The following MGMT variants were observed in gnomAD, a reference collection of about 807,000 sequenced individuals.
MGMT encodes methylated-DNA--protein-cysteine methyltransferase.
Under a neutral mutation model 15.9 loss-of-function variants are expected in MGMT, and 14 were observed. The observed-to-expected ratio is 0.88, with a 90% CI of 0.58 to 1.37. MGMT has a LOEUF of 1.37. MGMT is among the 40% of genes most tolerant of loss of function. The pLI, the probability that MGMT is intolerant of heterozygous loss-of-function variation, is 0.00. For missense variants in MGMT, 282 were observed against 268.1 expected (o/e 1.05, Z -0.36); for synonymous variants, 130 against 118.2 (o/e 1.10, Z -0.65).
chr10:129,591,103 T>TG (rs1286542196), intron 2 of MGMT, among the ~76,000 whole-genome samples: 7 of 152,236 alleles, frequency 4.6e-5, no homozygotes, highest in East Asian at 1.9e-4. Flanking sequence ...GATGGCTTCC[T>TG]GGGGGCGCAG....
intron 1 of MGMT, among the ~76,000 whole-genome samples, chr10:129,506,095 G>A (rs559517542): frequency 6.6e-6 from 1 of 151,554 alleles, no homozygotes; most frequent in South Asian, 2.1e-4. Context: ...CTTTGTCATG[G>A]TAGACATTTG....
rs1279075162 is a variant in MGMT at position 129,467,255 on chromosome 10, C to T, written c.-54C>T. The T allele has an allele frequency of 9.7e-6, 15 of 1,544,654 alleles. No individual in the cohort carries two copies. The highest frequency in any genetic ancestry group is 1.1e-5 in the Non-Finnish European group (13 of 1,145,768). On this transcript the variant is annotated 5_prime_UTR_variant, in exon 1 of 5. Transcript: ENST00000651593. ...CGCGCCCCTAGAACGCTTTGCGTCC[C>T]GACGCCCGCAGGTCCTCGCGGTGCG...
intron 2 of MGMT, among the ~76,000 whole-genome samples, chr10:129,591,847 C>T (rs1846690373): frequency 6.6e-6 from 1 of 152,216 alleles, no homozygotes; most frequent in African/African-American, 2.4e-5. Context: ...AGGAGAATGG[C>T]TTGAACCCGG....
chr10:129,711,736 C>T (rs541991702), intron 3 of MGMT, among the ~76,000 whole-genome samples: 165 of 152,230 alleles, frequency 1.1e-3, no homozygotes, highest in African/African-American at 3.9e-3. Flanking sequence ...AGCATCTTGT[C>T]GTACAACGTA....
intron 1 of MGMT, among the ~76,000 whole-genome samples, chr10:129,518,449 G>T (rs950215670): frequency 6.5e-5 from 5 of 76,336 alleles, no homozygotes; most frequent in African/African-American, 2.6e-4. Flanking sequence ...CTCAGCCACC[G>T]CAGAGACAGC....
At chr10:129,612,869 T>G (rs1374927579) in intron 2 of MGMT, among the ~76,000 whole-genome samples, 1 of 152,218 alleles carries the variant, frequency 6.6e-6, no homozygotes, top group Non-Finnish European at 1.5e-5. Context: ...CCTCGCCCAA[T>G]GTGGACTCTG....
intron 2 of MGMT, among the ~76,000 whole-genome samples, chr10:129,593,306 G>A (rs1846711364): frequency 6.6e-6 from 1 of 152,214 alleles, no homozygotes; most frequent in South Asian, 2.1e-4. Context: ...AGGCTCGGAA[G>A]CCTCCCCTTA....
chr10:129,493,483 T>G (rs1256084165), intron 1 of MGMT, among the ~76,000 whole-genome samples: 1 of 152,212 alleles, frequency 6.6e-6, no homozygotes, highest in Non-Finnish European at 1.5e-5. Context: ...TTATTCAATA[T>G]CTAGTGCATC....
intron 2 of MGMT, among the ~76,000 whole-genome samples, chr10:129,595,838 G>A (rs543449387): frequency 1.3e-5 from 2 of 152,198 alleles, no homozygotes; most frequent in South Asian, 2.1e-4. Context: ...CTCCTGTCTT[G>A]CACTCAAGCA....
intron 2 of MGMT, among the ~76,000 whole-genome samples, chr10:129,635,790 AC>A (rs1433027672): frequency 2.0e-5 from 3 of 151,998 alleles, no homozygotes; most frequent in African/African-American, 7.3e-5. Flanking sequence ...CTTCCAAAGG[AC>A]TCTCACAGTG....
At chr10:129,568,379 C>T (rs1846379262) in intron 2 of MGMT, among the ~76,000 whole-genome samples, 1 of 152,172 alleles carries the variant, frequency 6.6e-6, no homozygotes. Context: ...TCGTCAGGAG[C>T]CCTCACTCAG....
intron 1 of MGMT, among the ~76,000 whole-genome samples, chr10:129,515,354 C>T (rs553485831): frequency 2.0e-5 from 3 of 152,176 alleles, no homozygotes; most frequent in Non-Finnish European, 2.9e-5. Flanking sequence ...GGGGACTCCA[C>T]TTGTGGTGTT....
chr10:129,598,433 G>A (rs777916994), intron 2 of MGMT, among the ~76,000 whole-genome samples: 1 of 21,148 alleles, frequency 4.7e-5, no homozygotes, highest in Non-Finnish European at 1.6e-4. Flanking sequence ...CCTGGGGTGG[G>A]CCTGGCACAT....
At chr10:129,568,209 C>T (rs1846377328) in intron 2 of MGMT, among the ~76,000 whole-genome samples, 1 of 151,962 alleles carries the variant, frequency 6.6e-6, no homozygotes, top group Admixed American at 6.5e-5. Flanking sequence ...CCTGCCTTCA[C>T]TTGAGGTTTT....
intron 1 of MGMT, among the ~76,000 whole-genome samples, chr10:129,518,310 A>G (rs1845761553): frequency 6.7e-6 from 1 of 148,812 alleles, no homozygotes; most frequent in Non-Finnish European, 1.5e-5. Flanking sequence ...GAAAATTCTA[A>G]ATGATGTGTG....
At chr10:129,554,876 G>A (rs932687193) in intron 2 of MGMT, among the ~76,000 whole-genome samples, 3 of 152,066 alleles carry the variant, frequency 2.0e-5, no homozygotes, top group African/African-American at 4.8e-5. Context: ...CGCTGTCTCC[G>A]GAGCGAGATT....
chr10:129,690,068 C>T (rs762954194), intron 2 of MGMT, among the ~76,000 whole-genome samples: 50 of 152,136 alleles, frequency 3.3e-4, no homozygotes, highest in Admixed American at 6.5e-5. Flanking sequence ...ATGAAATTCC[C>T]CCTCTGTCCT....
At chr10:129,692,330 C>A (rs7917453) in intron 2 of MGMT, among the ~76,000 whole-genome samples, 122,827 of 152,038 alleles carry the variant, frequency 0.81, 49,941 homozygotes, top group African/African-American at 0.91. Context: ...AAGCTCGGGG[C>A]AGTATGAGTC....
At chr10:129,712,134 T>G (rs1275043391) in intron 3 of MGMT, among the ~76,000 whole-genome samples, 1 of 152,096 alleles carries the variant, frequency 6.6e-6, no homozygotes, top group African/African-American at 2.4e-5. Context: ...CGTCCTCAGG[T>G]CCCTGAGCCC....
Sources: allele counts gnomAD v4.1 joint callset (sites outside exome capture counted in the v4.1 genomes callset), GRCh38; gene constraint gnomAD v4.1.1; transcripts MANE v1.5; gene names NCBI Gene and HGNC (gene_info 2026-07-23, HGNC 2026-07-21).